ZNF365: variants seen among roughly 807,000 people sequenced by gnomAD.
ZNF365 encodes zinc finger protein 365, also known as protein ZNF365.
ZNF365 carries 22 observed loss-of-function variants against 35.0 expected under a neutral mutation model. That is an observed-to-expected ratio of 0.63 (90% confidence interval 0.45 to 0.90). The LOEUF (loss-of-function observed/expected upper bound fraction) is 0.90. Among genes scored for constraint, ZNF365 ranks in the 40% least tolerant of loss-of-function variants. ZNF365 has a pLI of 0.00. For synonymous variants in ZNF365, 188 were observed against 196.2 expected, an observed-to-expected ratio of 0.96 and a Z score of 0.35; for missense variants, 448 against 500.3, an observed-to-expected ratio of 0.90 and a Z score of 1.00.
rs139554285 is a variant in ZNF365 at position 62,449,969 on chromosome 10, T to C, written c.925-9772T>C. On this transcript the variant is annotated intron_variant, in intron 3 of 4. Transcript: ENST00000395255. ...AGATTTCCAGTTCAGATAATTCAAATGTAAGCACAGAAAAGAGTGTAGGCT... is the reference window on the plus strand; with the variant it reads ...AGATTTCCAGTTCAGATAATTCAAACGTAAGCACAGAAAAGAGTGTAGGCT... 5.2e-3 allele frequency among the ~76,000 whole-genome samples: 785 copies of C among 152,272 alleles called. 5 individuals carry two copies. Among genetic ancestry groups the C allele is most frequent in the African/African-American group, 0.018 (750 of 41,546 alleles).
At chr10:62,387,552 C>G (rs922245521) in intron 2 of ZNF365, among the ~76,000 whole-genome samples, 1 of 152,020 alleles carries the variant, frequency 6.6e-6, no homozygotes, top group Non-Finnish European at 1.5e-5. Flanking sequence ...GATTTGTAAT[C>G]TACTTGTGAA....
chr10:62,440,172 T>TTTTA (rs148188582), intron 3 of ZNF365, among the ~76,000 whole-genome samples: 8,879 of 150,726 alleles, frequency 0.059, 433 homozygotes, highest in Admixed American at 0.15. Context: ...GAATGCATAG[T>TTTTA]TTTATTTATT....
intron 3 of ZNF365, among the ~76,000 whole-genome samples, chr10:62,455,160 G>A (rs978902292): frequency 2.0e-5 from 3 of 152,182 alleles, no homozygotes; most frequent in African/African-American, 7.2e-5. Context: ...AAGCAGGGGA[G>A]TGTTATAAAT....
chr10:62,465,982 C>A lies in ZNF365; in HGVS notation c.981+6185C>A, dbSNP rs1589469857. 3.9e-5 allele frequency among the ~76,000 whole-genome samples: 6 copies of A among 152,206 alleles called. No individual in the cohort carries two copies. In the South Asian group the frequency reaches 1.2e-3, roughly 32 times the overall value. Reference sequence around the variant, plus strand: ...AGAAGCCACCCCATGGGATGAGAAGCAGCAGTGGGGACAGGCCAGTCCAAG... The same window carrying A: ...AGAAGCCACCCCATGGGATGAGAAGAAGCAGTGGGGACAGGCCAGTCCAAG... On this transcript the variant is annotated intron_variant, in intron 4 of 4. Coordinates refer to the ZNF365 transcript ENST00000395255.
intron 3 of ZNF365, among the ~76,000 whole-genome samples, chr10:62,454,724 G>A (rs995720735): frequency 1.3e-5 from 2 of 151,666 alleles, no homozygotes; most frequent in Non-Finnish European, 2.9e-5. Flanking sequence ...TCCTGAATCC[G>A]TGCAACAACC....
chr10:62,447,452 C>G (rs1224365874), intron 3 of ZNF365, among the ~76,000 whole-genome samples: 1 of 152,188 alleles, frequency 6.6e-6, no homozygotes, highest in Non-Finnish European at 1.5e-5. Flanking sequence ...CTCTGAAATA[C>G]TGGTCACTCA....
chr10:62,407,956 A>ATGTGTTGT (rs1839928973), intron 3 of ZNF365, among the ~76,000 whole-genome samples: 1 of 151,776 alleles, frequency 6.6e-6, no homozygotes, highest in Non-Finnish European at 1.5e-5. Context: ...GATAATAACT[A>ATGTGTTGT]TGTGTTGTTT....
intron 3 of ZNF365, among the ~76,000 whole-genome samples, chr10:62,392,029 G>T (rs781052660): frequency 9.9e-5 from 15 of 152,240 alleles, no homozygotes; most frequent in African/African-American, 2.6e-4. Flanking sequence ...TCATATGTTT[G>T]TTGGCCATTT....
intron 1 of ZNF365, 51 bp from the exon 2 acceptor site, chr10:62,376,130 A>G: frequency 6.4e-7 from 1 of 1,567,728 alleles, no homozygotes; most frequent in Non-Finnish European, 8.7e-7. Context: ...CAATCATTTT[A>G]GTAGTGTGTT....
chr10:62,446,555 C>A (rs1385261560), intron 3 of ZNF365, among the ~76,000 whole-genome samples: 7 of 152,112 alleles, frequency 4.6e-5, no homozygotes, highest in Non-Finnish European at 1.0e-4. Flanking sequence ...CTTTGGAGAG[C>A]TAGGCAGAAG....
At chr10:62,414,249 GA>G (rs930244761) in intron 3 of ZNF365, among the ~76,000 whole-genome samples, 20 of 151,720 alleles carry the variant, frequency 1.3e-4, no homozygotes, top group African/African-American at 4.8e-4. Flanking sequence ...ACCCAGGCTG[GA>G]ATGCAATGGT....
intron 3 of ZNF365, among the ~76,000 whole-genome samples, chr10:62,439,534 A>G (rs1420654195): frequency 6.6e-6 from 1 of 152,246 alleles, no homozygotes; most frequent in Non-Finnish European, 1.5e-5. Flanking sequence ...CATATTCTTT[A>G]TAACAAAGAT....
At chr10:62,466,844 C>T (rs567170974) in intron 4 of ZNF365, among the ~76,000 whole-genome samples, 98 of 152,142 alleles carry the variant, frequency 6.4e-4, no homozygotes, top group African/African-American at 2.3e-3. Context: ...CTCTGTTGCC[C>T]AGGCTGGAGT....
At chr10:62,453,895 A>G (rs1840723487) in intron 3 of ZNF365, among the ~76,000 whole-genome samples, 1 of 152,236 alleles carries the variant, frequency 6.6e-6, no homozygotes, top group Non-Finnish European at 1.5e-5. Flanking sequence ...ATAGAACACC[A>G]TTGTAGCCTC....
At chr10:62,459,714 A>T (rs1330870053) in intron 3 of ZNF365, 45 of 1,596,734 alleles carry the variant, frequency 2.8e-5, no homozygotes, top group Non-Finnish European at 3.8e-5. Context: ...TCCATTCATG[A>T]TGGCAGTACC....
chr10:62,388,787 C>T (rs908323441), intron 3 of ZNF365, among the ~76,000 whole-genome samples: 2 of 152,080 alleles, frequency 1.3e-5, no homozygotes, highest in Non-Finnish European at 2.9e-5. Flanking sequence ...CGTTTTCAGT[C>T]GCTCTTCACC....
chr10:62,451,897 C>T (rs1214949492), intron 3 of ZNF365, among the ~76,000 whole-genome samples: 1 of 152,186 alleles, frequency 6.6e-6, no homozygotes, highest in Middle Eastern at 3.2e-3. Flanking sequence ...GGAATTTTTT[C>T]CTGCTTCTGA....
intron 4 of ZNF365, among the ~76,000 whole-genome samples, chr10:62,460,878 C>T (rs1391484439): frequency 6.6e-6 from 1 of 152,140 alleles, no homozygotes; most frequent in Non-Finnish European, 1.5e-5. Flanking sequence ...GCCAGACAAG[C>T]CCCATATATA....
At chr10:62,475,774 C>G (rs1841120602) in intron 4 of ZNF365, among the ~76,000 whole-genome samples, 1 of 152,200 alleles carries the variant, frequency 6.6e-6, no homozygotes, top group African/African-American at 2.4e-5. Context: ...TGAGAAGAAG[C>G]TGGTTTTTCT....
Sources: allele counts gnomAD v4.1 joint callset (sites outside exome capture counted in the v4.1 genomes callset), GRCh38; gene constraint gnomAD v4.1.1; transcripts MANE v1.5; gene names NCBI Gene and HGNC (gene_info 2026-07-23, HGNC 2026-07-21).